ST3GAL1: variants seen among roughly 807,000 people sequenced by gnomAD.
The protein encoded by ST3GAL1 is CMP-N-acetylneuraminate-beta-galactosamide-alpha-2,3-sialyltransferase 1.
In ST3GAL1, 16 loss-of-function variants were observed where a neutral mutation model predicts 34.1. The observed-to-expected ratio is 0.47, with a 90% CI of 0.32 to 0.71. The LOEUF (loss-of-function observed/expected upper bound fraction) is 0.71, where lower values mean the gene tolerates loss of function less well. Ranked by LOEUF, ST3GAL1 falls within the 30% of genes least tolerant of loss-of-function variation. ST3GAL1 has a pLI of 0.04. For missense variants in ST3GAL1, 353 were observed against 447.4 expected, an observed-to-expected ratio of 0.79 and a Z score of 1.90; for synonymous variants, 191 against 184.7, an observed-to-expected ratio of 1.03 and a Z score of -0.28.
At chr8:133,473,797 A>G (rs1439266623) in intron 5 of ST3GAL1, among the ~76,000 whole-genome samples, 1 of 152,234 alleles carries the variant, frequency 6.6e-6, no homozygotes, top group Admixed American at 6.5e-5. Context: ...GAGACCAGTG[A>G]TGCTGCTAAA....
In ST3GAL1 at chr8:133,556,059, GA is replaced by G. The variant is rs890375811; in HGVS notation, c.-581-10134del. On this transcript the variant is annotated intron_variant, in intron 1 of 9. Transcript: ENST00000522652. The surrounding 1 kb of genome is among the most constrained non-coding windows in gnomAD (Gnocchi z 8.9). ...CAGGCACCTGCCACCACGCCTGGCTGATTTTTTTTGTATTTTAGTAGAGACG... is the reference window on the plus strand; with the variant it reads ...CAGGCACCTGCCACCACGCCTGGCTGTTTTTTTTGTATTTTAGTAGAGACG... Among the ~76,000 whole-genome samples the G allele has an allele frequency of 1.3e-5, 2 of 149,572 alleles. No individual in the cohort carries two copies. The highest frequency in any genetic ancestry group is 3.0e-5 in the Non-Finnish European group (2 of 67,054).
chr8:133,557,302 C>T (rs556378730), intron 1 of ST3GAL1, among the ~76,000 whole-genome samples: 12 of 152,306 alleles, frequency 7.9e-5, no homozygotes, highest in East Asian at 1.9e-4. Flanking sequence ...AGTCAACCAA[C>T]GCGTGGCACA....
chr8:133,520,106 T>C (rs1817757877), intron 2 of ST3GAL1, among the ~76,000 whole-genome samples: 1 of 152,116 alleles, frequency 6.6e-6, no homozygotes, highest in African/African-American at 2.4e-5. Context: ...GCAGCTGCAA[T>C]GGGCCAGGTA....
At chr8:133,507,374 C>T (rs190385378) in intron 2 of ST3GAL1, among the ~76,000 whole-genome samples, 160 of 152,374 alleles carry the variant, frequency 1.1e-3, no homozygotes, top group African/African-American at 3.6e-3. Flanking sequence ...ATCTTCCCCA[C>T]AACCCACGCC....
At chr8:133,488,161 A>C (rs1469395891) in intron 3 of ST3GAL1, 1 of 152,228 alleles carries the variant, frequency 6.6e-6, no homozygotes, top group Non-Finnish European at 1.5e-5. Context: ...AGGCAGGAGG[A>C]TCACTTGAGT....
intron 1 of ST3GAL1, among the ~76,000 whole-genome samples, chr8:133,560,023 G>C (rs1039407487): frequency 1.3e-5 from 2 of 152,200 alleles, no homozygotes; most frequent in Non-Finnish European, 2.9e-5. Flanking sequence ...ACAGATAGGA[G>C]GAATAGGTTC....
At chr8:133,500,004 G>C (rs1817096899) in intron 2 of ST3GAL1, among the ~76,000 whole-genome samples, 1 of 152,224 alleles carries the variant, frequency 6.6e-6, no homozygotes, top group African/African-American at 2.4e-5. Context: ...AGAGAGACGT[G>C]AATCTAAGAC....
chr8:133,493,485 G>T (rs1280017395), intron 3 of ST3GAL1, among the ~76,000 whole-genome samples: 1 of 152,194 alleles, frequency 6.6e-6, no homozygotes, highest in Non-Finnish European at 1.5e-5. Flanking sequence ...TGTGGGGGAT[G>T]CTGTGTATAA....
chr8:133,528,396 G>A (rs1818039713), intron 2 of ST3GAL1, among the ~76,000 whole-genome samples: 1 of 152,194 alleles, frequency 6.6e-6, no homozygotes, highest in African/African-American at 2.4e-5. Context: ...TCCTGTGTCA[G>A]GCACTGTGCT....
intron 3 of ST3GAL1, among the ~76,000 whole-genome samples, chr8:133,487,169 G>A (rs1284468996): frequency 2.0e-5 from 3 of 152,092 alleles, no homozygotes; most frequent in Non-Finnish European, 4.4e-5. Context: ...TCGAACTCCT[G>A]ACCTCGTGAT....
Position 133,475,606 on chromosome 8 carries a change from A to C in ST3GAL1, c.306+113T>G, listed in dbSNP as rs941304347. On this transcript the variant is annotated intron_variant, in intron 5 of 9. Coordinates refer to ENST00000522652, the MANE Select transcript of ST3GAL1 (RefSeq NM_173344.3). The stretch of plus-strand genomic sequence containing the variant: ...ACCCCTACCCTCAGCCCAGACTCCC[A>C]CTTTCAGCCCAGGCCTCCCACTCTT... 5 of 1,284,730 alleles carry C rather than the reference A, an allele frequency of 3.9e-6. No individual in the cohort carries two copies. In the African/African-American group the frequency reaches 7.5e-5, roughly 19 times the overall value. The allele number at this position is 1,284,730 out of a possible 1,614,324, so 79.6% of individuals were successfully genotyped here. A position where few individuals can be genotyped will look rare whatever the true frequency, so the allele number is the denominator to read the frequency against.
intron 2 of ST3GAL1, among the ~76,000 whole-genome samples, chr8:133,524,134 C>T (rs775206635): frequency 6.6e-6 from 1 of 152,198 alleles, no homozygotes; most frequent in South Asian, 2.1e-4. Context: ...TGCTCCTATA[C>T]CTTGACTCTC....
In ST3GAL1 at chr8:133,469,452, C is replaced by T. The variant is rs1348878644; in HGVS notation, c.307-3362G>A. Among the ~76,000 whole-genome samples the T allele has an allele frequency of 2.6e-5, 4 of 152,094 alleles. No individual in the cohort carries two copies. The East Asian group carries it at 7.7e-4, about 29-fold the overall frequency. On this transcript the variant is annotated intron_variant, in intron 5 of 9. Transcript: ENST00000522652. The surrounding 1 kb of genome is among the most constrained non-coding windows in gnomAD (Gnocchi z 4.3). Reference sequence around the variant, plus strand: ...CAGGCTGGTCTCGAACTCCTGACCTCAGGTGATGAACCCGCCTCAGCCTCC... The same window carrying T: ...CAGGCTGGTCTCGAACTCCTGACCTTAGGTGATGAACCCGCCTCAGCCTCC...
chr8:133,459,716 G>A lies in ST3GAL1; in HGVS notation c.*48C>T, dbSNP rs1338903511. 40 of 1,549,406 alleles carry A rather than the reference G, an allele frequency of 2.6e-5. No individual in the cohort carries two copies. Among genetic ancestry groups the A allele is most frequent in the Non-Finnish European group, 3.1e-5 (35 of 1,142,974 alleles). The stretch of plus-strand genomic sequence containing the variant: ...ACGGCTCCAGCAAGATGCTGGGGCT[G>A]GAAATGCAGAGGTGTGACAGTGCGT... On this transcript the variant is annotated 3_prime_UTR_variant, in exon 10 of 10. Coordinates refer to ENST00000522652, the MANE Select transcript of ST3GAL1 (RefSeq NM_173344.3). The surrounding 1 kb of genome is among the most constrained non-coding windows in gnomAD (Gnocchi z 4.7).
At chr8:133,535,649 CTAA>C (rs900533596) in intron 2 of ST3GAL1, among the ~76,000 whole-genome samples, 2 of 152,076 alleles carry the variant, frequency 1.3e-5, no homozygotes, top group Non-Finnish European at 2.9e-5. Context: ...CCATTCCCGG[CTAA>C]TGTTTTCACT....
chr8:133,547,359 C>T (rs1818700913), intron 1 of ST3GAL1, among the ~76,000 whole-genome samples: 2 of 152,222 alleles, frequency 1.3e-5, no homozygotes, highest in South Asian at 2.1e-4. Context: ...CAGCCTTGAC[C>T]TCCAGGGTCA....
At position 133,466,135 on chromosome 8, in the gene ST3GAL1, C is replaced by T. The variant is rs1249458454; in HGVS notation, c.307-45G>A. The T allele has an allele frequency of 1.3e-6, 2 of 1,568,518 alleles. No individual in the cohort carries two copies. The highest frequency in any genetic ancestry group is 1.7e-6 in the Non-Finnish European group (2 of 1,152,258). ...GGTGGTCAACCTGGCTTTGTGGCTC[C>T]AGCCTCCTGGCAGCAGAGCCCCTGA... is the stretch of plus-strand genomic sequence containing the variant. On this transcript the variant is annotated intron_variant, in intron 5 of 9. Coordinates refer to ENST00000522652, the MANE Select transcript of ST3GAL1 (RefSeq NM_173344.3). This position sits in a 1 kb window ranked among gnomAD's most constrained non-coding sequence, Gnocchi z 4.4.
chr8:133,504,772 A>G (rs536576235), intron 2 of ST3GAL1, among the ~76,000 whole-genome samples: 18 of 152,130 alleles, frequency 1.2e-4, no homozygotes, highest in Admixed American at 5.2e-4. Context: ...CAGACTGGCA[A>G]CTCTTCTGGA....
chr8:133,532,970 T>G (rs1339198715), intron 2 of ST3GAL1, among the ~76,000 whole-genome samples: 1 of 152,220 alleles, frequency 6.6e-6, no homozygotes, highest in Non-Finnish European at 1.5e-5. Flanking sequence ...ACCACTAAGG[T>G]ACTAATTAAG....
Sources: gnomAD v4.1 joint callset for allele counts (sites outside exome capture counted in the v4.1 genomes callset) on GRCh38, gnomAD v4.1.1 for gene constraint, Gnocchi (gnomAD v3.1) non-coding constraint, MANE v1.5 for transcripts, NCBI Gene and HGNC (gene_info 2026-07-23, HGNC 2026-07-21) for gene names.